Variants in CTNNA2 observed in about 807,000 individuals in gnomAD.
CTNNA2 encodes the protein catenin alpha 2, also known as catenin alpha-2.
A neutral mutation model predicts 101.0 loss-of-function variants in CTNNA2; 42 were observed. The ratio of observed to expected loss-of-function variants is 0.42; its 90% CI spans 0.32 to 0.54. The LOEUF is 0.54. Ranked by LOEUF, CTNNA2 falls within the 20% of genes least tolerant of loss-of-function variation. CTNNA2 has a pLI of 0.14. For synonymous variants in CTNNA2, 450 were observed against 456.4 expected (o/e 0.99, Z 0.18); for missense variants, 871 against 1,223.1 (o/e 0.71, Z 4.29).
intron 2 of CTNNA2, among the ~76,000 whole-genome samples, chr2:79,683,729 A>G (rs71337756): frequency 7.9e-5 from 9 of 114,450 alleles, no homozygotes; most frequent in African/African-American, 2.7e-4. Context: ...CACAATTGTG[A>G]GAGAGTTCCC....
At chr2:80,381,862 T>C (rs1465339162) in intron 7 of CTNNA2, among the ~76,000 whole-genome samples, 1 of 152,208 alleles carries the variant, frequency 6.6e-6, no homozygotes, top group Non-Finnish European at 1.5e-5. Flanking sequence ...TTTCAGTTCC[T>C]ACTGTTTTCA....
intron 4 of CTNNA2, among the ~76,000 whole-genome samples, chr2:79,392,542 A>G (rs1197414984): frequency 6.6e-6 from 1 of 152,192 alleles, no homozygotes; most frequent in African/African-American, 2.4e-5. Context: ...TTAATCAAAT[A>G]TCAGGCCAGT....
At chr2:79,838,140 T>C (rs1679533191) in intron 3 of CTNNA2, among the ~76,000 whole-genome samples, 1 of 152,174 alleles carries the variant, frequency 6.6e-6, no homozygotes, top group Admixed American at 6.5e-5. Context: ...GATTGGAAAA[T>C]AATAAAGTGA....
chr2:79,233,293 C>G (rs1674518893), intron 2 of CTNNA2, among the ~76,000 whole-genome samples: 1 of 152,056 alleles, frequency 6.6e-6, no homozygotes, highest in South Asian at 2.1e-4. Context: ...TTTACTTTAT[C>G]TTAATTTCAT....
At chr2:79,327,394 G>A (rs1434221) in intron 3 of CTNNA2, among the ~76,000 whole-genome samples, 254 of 152,288 alleles carry the variant, frequency 1.7e-3, no homozygotes, top group African/African-American at 5.9e-3. Context: ...CTTCAGAATT[G>A]ATGGCAGACT....
chr2:79,230,028 TA>T (rs1215787394), intron 2 of CTNNA2, among the ~76,000 whole-genome samples: 1 of 152,186 alleles, frequency 6.6e-6, no homozygotes, highest in Non-Finnish European at 1.5e-5. Context: ...TTCAGTTTTA[TA>T]AGGGAAGCAG....
chr2:80,616,421 T>A (rs1292172372), intron 17 of CTNNA2: 1 of 151,774 alleles, frequency 6.6e-6, no homozygotes, highest in Non-Finnish European at 1.5e-5. Context: ...ATGCCTGACC[T>A]TGTCTTCCAT....
chr2:79,819,316 G>A (rs572024006), intron 3 of CTNNA2, among the ~76,000 whole-genome samples: 1 of 152,206 alleles, frequency 6.6e-6, no homozygotes, highest in South Asian at 2.1e-4. Context: ...TCCTTCCTCT[G>A]TGCGCCATTA....
At chr2:80,280,063 G>A (rs962692240) in intron 7 of CTNNA2, among the ~76,000 whole-genome samples, 7 of 151,750 alleles carry the variant, frequency 4.6e-5, no homozygotes, top group African/African-American at 1.5e-4. Flanking sequence ...CAGGGCCTCC[G>A]TCCTTGTATG....
chr2:79,415,685 G>A (rs1678471594), intron 4 of CTNNA2, among the ~76,000 whole-genome samples: 1 of 152,094 alleles, frequency 6.6e-6, no homozygotes. Context: ...TTAGAAGACT[G>A]TCCTGGCATC....
intron 7 of CTNNA2, among the ~76,000 whole-genome samples, chr2:80,321,306 A>C (rs572703105): frequency 1.3e-5 from 2 of 152,318 alleles, no homozygotes; most frequent in East Asian, 3.9e-4. Flanking sequence ...GAGATTTTCT[A>C]TCGTAGGGAG....
At position 80,619,196 on chromosome 2, in the gene CTNNA2, C is replaced by T. The variant is rs769971987; in HGVS notation, c.2542C>T (p.Pro848Ser). The T allele has an allele frequency of 6.3e-7, 1 of 1,585,778 alleles. No individual in the cohort carries two copies. Among genetic ancestry groups the T allele is most frequent in the Non-Finnish European group, 8.6e-7 (1 of 1,165,814 alleles). The change falls in exon 18 of 19, where the codon CCG (proline) becomes TCG (serine). Residue 848 changes from proline (P) to serine (S), a missense_variant. Physicochemically the swap from Pro to Ser is moderately conservative, Grantham distance 74 (BLOSUM62 -1). This residue lies in a region of CTNNA2 where 65 missense variants were observed against 53.3 expected (regional missense o/e 1.22). Coordinates refer to ENST00000402739, the MANE Select transcript of CTNNA2 (RefSeq NM_001282597.3). Reference sequence around the variant, plus strand: ...CCTCCCAACCTGTGCTGAGGGAGCTCCGATCGGGAGTGGAAGCAGTGATTC... The same window carrying T: ...CCTCCCAACCTGTGCTGAGGGAGCTTCGATCGGGAGTGGAAGCAGTGATTC... The part of the protein sequence containing the change: ...THLPTCAEGA[P>S]IGSGSSDSSM...
At chr2:79,343,139 A>G (rs1375017021) in intron 3 of CTNNA2, among the ~76,000 whole-genome samples, 1 of 152,204 alleles carries the variant, frequency 6.6e-6, no homozygotes, top group African/African-American at 2.4e-5. Context: ...TTTGCAAATG[A>G]AGATACAATA....
At chr2:80,569,675 C>A in intron 12 of CTNNA2, among the ~76,000 whole-genome samples, 1 of 49,040 alleles carries the variant, frequency 2.0e-5, no homozygotes, top group Non-Finnish European at 4.8e-5. Flanking sequence ...TGGAGTCTTG[C>A]TCTGTTGCCC....
intron 7 of CTNNA2, among the ~76,000 whole-genome samples, chr2:80,094,506 T>C (rs930680402): frequency 5.3e-5 from 8 of 152,300 alleles, no homozygotes; most frequent in African/African-American, 1.9e-4. Flanking sequence ...TTTGGTTCCA[T>C]ATGAACTTTA....
intron 16 of CTNNA2, 80 bp from the exon 17 acceptor site, chr2:80,608,104 C>T: frequency 1.4e-6 from 2 of 1,430,488 alleles, no homozygotes; most frequent in Non-Finnish European, 1.9e-6. Flanking sequence ...GAAAACTTTT[C>T]TTCCTGCAGC....
At chr2:79,456,285 A>G (rs374611088) in intron 4 of CTNNA2, among the ~76,000 whole-genome samples, 1 of 152,012 alleles carries the variant, frequency 6.6e-6, no homozygotes, top group African/African-American at 2.4e-5. Context: ...AAAGACTCCT[A>G]CAATGCTAAA....
chr2:79,830,446 A>G (rs934322522), intron 3 of CTNNA2, among the ~76,000 whole-genome samples: 2 of 152,318 alleles, frequency 1.3e-5, no homozygotes, highest in African/African-American at 2.4e-5. Flanking sequence ...GTGGATGCCT[A>G]AAAGGAGAAG....
chr2:80,401,133 T>C (rs1019713318), intron 8 of CTNNA2, among the ~76,000 whole-genome samples: 1 of 152,184 alleles, frequency 6.6e-6, no homozygotes, highest in African/African-American at 2.4e-5. Context: ...ATGACACATT[T>C]TGCAGTGGGT....
Sources: allele counts gnomAD v4.1 joint callset (sites outside exome capture counted in the v4.1 genomes callset), GRCh38; gene constraint gnomAD v4.1.1; regional missense constraint gnomAD v4.1.1; transcripts MANE v1.5; gene names NCBI Gene and HGNC (gene_info 2026-07-23, HGNC 2026-07-21).